The following MAST3 variants were observed in gnomAD, a reference collection of about 807,000 sequenced individuals.
MAST3 encodes the protein microtubule-associated serine/threonine-protein kinase 3.
In MAST3, 43 loss-of-function variants were observed where a neutral mutation model predicts 127.0. The ratio of observed to expected loss-of-function variants is 0.34; its 90% CI spans 0.27 to 0.44. MAST3 has a LOEUF of 0.44. Among genes scored for constraint, MAST3 ranks in the 20% least tolerant of loss-of-function variants. The pLI is 1.00. For synonymous variants in MAST3, 785 were observed against 809.2 expected (o/e 0.97, Z 0.51); for missense variants, 1,390 against 1,919.1 (o/e 0.72, Z 5.15).
intron 3 of MAST3, among the ~76,000 whole-genome samples, chr19:18,116,091 T>TTTTTC (rs1555794514): frequency 2.8e-4 from 1 of 3,622 alleles, no homozygotes; most frequent in Non-Finnish European, 6.9e-4. Context: ...TGAAATTATC[T>TTTTTC]TTTTTTTTTT....
At chr19:18,100,119 T>G (rs1433038131) in intron 1 of MAST3, among the ~76,000 whole-genome samples, 2 of 116,916 alleles carry the variant, frequency 1.7e-5, no homozygotes, top group African/African-American at 5.8e-5. Flanking sequence ...AGGATCTCTC[T>G]CTCTCTCTCT....
chr19:18,116,370 G>T (rs945626635), intron 3 of MAST3, among the ~76,000 whole-genome samples: 2 of 150,576 alleles, frequency 1.3e-5, no homozygotes, highest in Non-Finnish European at 3.0e-5. Flanking sequence ...TCAGCTCACT[G>T]CAACCTCCGC....
chr19:18,146,002 T>G, intron 25 of MAST3, 137 bp downstream of exon 25: 2 of 1,107,160 alleles, frequency 1.8e-6, no homozygotes, highest in Non-Finnish European at 2.5e-6. Context: ...ATCCACTTCC[T>G]TCGGCCCAGA....
chr19:18,127,485 A>G (rs1599777565), intron 11 of MAST3, among the ~76,000 whole-genome samples: 1 of 152,102 alleles, frequency 6.6e-6, no homozygotes. Context: ...GGAGTTCAAG[A>G]CCAGCCTGGC....
intron 1 of MAST3, 53 bp downstream of exon 1, chr19:18,097,884 C>T (rs2037116356): frequency 1.7e-6 from 2 of 1,206,440 alleles, no homozygotes; most frequent in Non-Finnish European, 2.1e-6. Context: ...CAAGTGGACG[C>T]GGCCTGAAAG....
At position 18,144,552 on chromosome 19, in the gene MAST3, CGGGGCCGCCGCCTTG is replaced by C. The variant is rs1255392576; in HGVS notation, c.2678_2692del (p.Arg893_Gly897del). On this transcript the variant is annotated inframe_deletion, in exon 23 of 28. Coordinates refer to ENST00000687212, the MANE Select transcript of MAST3 (RefSeq NM_001393504.1). The surrounding 1 kb of genome is among the most constrained non-coding windows in gnomAD (Gnocchi z 4.0). ...CACACCAAGGCCTCTGGATGCCGGC[CGGGGCCGCCGCCTTG>C]GGGGCCCAAGAGACCCAGCCCCTGA... 2 of 1,609,754 alleles carry C rather than the reference CGGGGCCGCCGCCTTG, an allele frequency of 1.2e-6. No homozygotes were observed. The highest frequency in any genetic ancestry group is 1.7e-6 in the Non-Finnish European group (2 of 1,179,038).
chr19:18,117,983 A>C (rs1489558126), intron 3 of MAST3: 4 of 370,260 alleles, frequency 1.1e-5, no homozygotes, highest in Non-Finnish European at 1.5e-5. Context: ...CCGCCCCCGC[A>C]CTCGCCTGGG....
At position 18,115,692 on chromosome 19, in the gene MAST3, G is replaced by A. The variant is rs139078719; in HGVS notation, c.161+4951G>A. Reference sequence around the variant, plus strand: ...CTTCAATATTCCCCTCCCAGACACCGTCCCAGACCCTTACTGGCCTCCTGC... The same window carrying A: ...CTTCAATATTCCCCTCCCAGACACCATCCCAGACCCTTACTGGCCTCCTGC... On this transcript the variant is annotated intron_variant, in intron 3 of 27. Transcript: ENST00000687212. 5.1e-3 allele frequency among the ~76,000 whole-genome samples: 781 copies of A among 152,120 alleles called. 3 individuals are homozygous for A. The highest frequency in any genetic ancestry group is 8.3e-3 in the Non-Finnish European group (563 of 67,984).
chr19:18,121,193 T>A (rs2039938891), intron 3 of MAST3, among the ~76,000 whole-genome samples: 1 of 151,984 alleles, frequency 6.6e-6, no homozygotes, highest in African/African-American at 2.4e-5. Flanking sequence ...CCTTGTGCTG[T>A]CACCTAGGCT....
At position 18,150,362 on chromosome 19, in the gene MAST3, C is replaced by T. The variant is rs911959817; in HGVS notation, c.*636C>T. 6.6e-6 allele frequency: 1 copy of T among 152,478 alleles called. No homozygotes were observed. The highest frequency in any genetic ancestry group is 6.5e-5 in the Admixed American group (1 of 15,300). The allele number at this position is 152,478 out of a possible 1,614,324, so 9.4% of individuals were successfully genotyped here. ...CGGCTGCCAGGTCTTGCCCCAGGCACCTGGGACTCTGTTTGCAGGCCCTGC... is the reference window on the plus strand; with the variant it reads ...CGGCTGCCAGGTCTTGCCCCAGGCATCTGGGACTCTGTTTGCAGGCCCTGC... On this transcript the variant is annotated 3_prime_UTR_variant, in exon 28 of 28. Transcript: ENST00000687212.
chr19:18,130,139 G>C (rs886965058), intron 13 of MAST3, among the ~76,000 whole-genome samples: 2 of 151,870 alleles, frequency 1.3e-5, no homozygotes, highest in Admixed American at 6.6e-5. Flanking sequence ...TTTGAGCCGG[G>C]GGGGTGGTAA....
intron 20 of MAST3, among the ~76,000 whole-genome samples, chr19:18,139,703 T>C (rs2042240307): frequency 1.3e-5 from 2 of 152,268 alleles, no homozygotes; most frequent in Admixed American, 1.3e-4. Flanking sequence ...CCTCATGATC[T>C]GCCCGCCTCG....
chr19:18,128,722 A>G, intron 12 of MAST3, 144 bp from the exon 13 acceptor site: 1 of 702,888 alleles, frequency 1.4e-6, no homozygotes, highest in Non-Finnish European at 2.4e-6. Context: ...AAAAAAGTAC[A>G]GAAAGTCAGA....
intron 3 of MAST3, among the ~76,000 whole-genome samples, chr19:18,121,437 G>T (rs191877183): frequency 6.6e-6 from 1 of 152,232 alleles, no homozygotes; most frequent in African/African-American, 2.4e-5. Context: ...GGTTACTGGC[G>T]TGAGCCACCA....
chr19:18,097,826 C>T lies in MAST3; in HGVS notation c.34C>T (p.Leu12Phe). The T allele has an allele frequency of 8.1e-7, 1 of 1,228,418 alleles. No homozygotes were observed. Among genetic ancestry groups the T allele is most frequent in the Non-Finnish European group, 1.0e-6 (1 of 986,050 alleles). The allele number at this position is 1,228,418 out of a possible 1,614,324, so 76.1% of individuals were successfully genotyped here. A position where few individuals can be genotyped will look rare whatever the true frequency, so the allele number is the denominator to read the frequency against. Residue 12 changes from leucine to phenylalanine, a missense_variant, in exon 1 of 28, where the codon CTC becomes TTC. Physicochemically the swap from Leu to Phe is conservative, Grantham distance 22. Transcript: ENST00000687212. ...DESSLLRRRG[L>F]QKELSLPRRG... ...GTCGAGCCTCCTGCGGCGCCGCGGG[C>T]TCCAGGTGAGGCCCCTGCGCGGGCG...
intron 3 of MAST3, among the ~76,000 whole-genome samples, chr19:18,114,708 T>C (rs1361151538): frequency 2.0e-5 from 3 of 152,016 alleles, no homozygotes; most frequent in Non-Finnish European, 4.4e-5. Flanking sequence ...AGTGATAGCA[T>C]TGGGGGTTGG....
rs1390918226 is a variant in MAST3 at position 18,110,893 on chromosome 19, G to A, written c.161+152G>A. 6.6e-6 allele frequency among the ~76,000 whole-genome samples: 1 copy of A among 152,204 alleles called. No homozygotes were observed. The highest frequency in any genetic ancestry group is 2.4e-5 in the African/African-American group (1 of 41,454). ...GTTTACCCCTCCACATAATGGCACT[G>A]CGATACGTTCTAGGGGCTTAATGGG... On this transcript the variant is annotated intron_variant, in intron 3 of 27. Transcript: ENST00000687212. This position sits in a 1 kb window ranked among gnomAD's most constrained non-coding sequence, Gnocchi z 4.3.
At position 18,147,000 on chromosome 19, in the gene MAST3, G is replaced by A. The variant is rs577907017; in HGVS notation, c.3282G>A (p.Arg1094=). ...RMARRSKRSR[R]RETQDRCAAV... is the part of the protein sequence containing the mutation. ...CACGCAGGAGCAAGAGGAGCCGTCG[G>A]CGGGAGACCCAGGATCGGTGCGCGG... The change falls in exon 26 of 28, where the codon CGG becomes CGA. Residue 1094 remains arginine, a synonymous_variant. Transcript: ENST00000687212. 20 of 1,573,632 alleles carry A rather than the reference G, an allele frequency of 1.3e-5. No homozygotes were observed. The East Asian group carries it at 4.7e-4, about 37-fold the overall frequency.
intron 9 of MAST3, 26 bp from the exon 10 acceptor site, chr19:18,124,239 G>T: frequency 1.3e-6 from 2 of 1,594,280 alleles, no homozygotes; most frequent in Non-Finnish European, 1.7e-6. Flanking sequence ...GGACCTGTGG[G>T]TGATGCCACG....
Sources: allele counts gnomAD v4.1 joint callset (sites outside exome capture counted in the v4.1 genomes callset), GRCh38; gene constraint gnomAD v4.1.1; non-coding constraint Gnocchi (gnomAD v3.1); transcripts MANE v1.5; gene names NCBI Gene and HGNC (gene_info 2026-07-23, HGNC 2026-07-21).